SPICE1: variants seen among roughly 807,000 people sequenced by gnomAD.
The protein encoded by SPICE1 is spindle and centriole-associated protein 1.
In SPICE1, 75 loss-of-function variants were observed where a neutral mutation model predicts 102.7. The ratio of observed to expected loss-of-function variants is 0.73; its 90% confidence interval spans 0.61 to 0.88. The LOEUF (loss-of-function observed/expected upper bound fraction) is 0.88. Among genes scored for constraint, SPICE1 ranks in the 40% least tolerant of loss-of-function variants. The probability of loss-of-function intolerance (pLI) is 0.00; values close to 1 mark genes in which losing one functional copy is unlikely to be tolerated. For missense variants in SPICE1, 979 were observed against 1,020.1 expected, an observed-to-expected ratio of 0.96 and a Z score of 0.55; for synonymous variants, 308 against 350.3, an observed-to-expected ratio of 0.88 and a Z score of 1.35.
chr3:113,446,957 T>C (rs561057557), intron 16 of SPICE1, among the ~76,000 whole-genome samples: 12 of 152,210 alleles, frequency 7.9e-5, no homozygotes, highest in African/African-American at 2.9e-4. Context: ...CATGGGGAGG[T>C]AACTGAATCA....
intron 6 of SPICE1, among the ~76,000 whole-genome samples, chr3:113,491,122 C>T (rs1936754117): frequency 6.6e-6 from 1 of 152,174 alleles, no homozygotes; most frequent in African/African-American, 2.4e-5. Flanking sequence ...TCTCTCTAAC[C>T]TCAACTCCTG....
intron 7 of SPICE1, among the ~76,000 whole-genome samples, chr3:113,484,272 T>A (rs1936590865): frequency 1.3e-5 from 2 of 152,162 alleles, no homozygotes; most frequent in South Asian, 4.1e-4. Context: ...TTCTTCTCTC[T>A]TTTTTTCTTT....
intron 9 of SPICE1, 53 bp from the exon 10 acceptor site, chr3:113,468,457 A>C: frequency 6.4e-7 from 1 of 1,557,372 alleles, no homozygotes; most frequent in Non-Finnish European, 8.7e-7. Context: ...TTATGACTAG[A>C]AAACTACTAG....
chr3:113,486,205 A>G (rs1936643631), intron 7 of SPICE1, among the ~76,000 whole-genome samples: 1 of 126,236 alleles, frequency 7.9e-6, no homozygotes, highest in Admixed American at 7.2e-5. Flanking sequence ...TTATTTGACC[A>G]TTCTCATATA....
Position 113,468,860 on chromosome 3 carries a change from G to A in SPICE1, c.791C>T (p.Thr264Ile). The part of the protein sequence containing the change: ...NATNAVKRLQ[T>I]RLQPEESTET... ...AGTAGATTCTTCAGGCTGAAGCCTG[G>A]TTTGGAGTCTCTTGACAGCATTGGT... is the stretch of plus-strand genomic sequence containing the variant. Residue 264 changes from threonine to isoleucine, a missense_variant, in exon 9 of 18, where the codon ACC (threonine) becomes ATC (isoleucine). Thr to Ile is a moderately conservative substitution (Grantham distance 89, BLOSUM62 -1). Coordinates refer to ENST00000295872, the MANE Select transcript of SPICE1 (RefSeq NM_144718.4). The A allele has an allele frequency of 6.2e-7, 1 of 1,614,146 alleles. No homozygotes were observed. Among genetic ancestry groups the A allele is most frequent in the Non-Finnish European group, 8.5e-7 (1 of 1,180,010 alleles).
intron 7 of SPICE1, among the ~76,000 whole-genome samples, chr3:113,476,885 C>A (rs1302615652): frequency 2.0e-5 from 3 of 152,174 alleles, no homozygotes; most frequent in East Asian, 3.9e-4. Flanking sequence ...GCAAGGACTT[C>A]ATGTCTAAAA....
rs111642350 is a variant in SPICE1 at position 113,459,797 on chromosome 3, G to A, written c.1435+820C>T. 2.0e-3 allele frequency: 1,692 copies of A among 858,950 alleles called. 26 individuals are homozygous for A. In the African/African-American group the frequency reaches 0.028, roughly 14 times the overall value. 53.2% of individuals were successfully genotyped at this position (858,950 alleles called of 1,614,324 possible). A position where few individuals can be genotyped will look rare whatever the true frequency, so the allele number is the denominator to read the frequency against. On this transcript the variant is annotated intron_variant, in intron 12 of 17. Coordinates refer to ENST00000295872, the MANE Select transcript of SPICE1 (RefSeq NM_144718.4). ...CTCAGTAGGCTGAGGCAGGAGAATC[G>A]CTTGAAACTGGAAGGCGGAGGTTGC...
intron 4 of SPICE1, among the ~76,000 whole-genome samples, chr3:113,497,145 G>C (rs1303936959): frequency 6.6e-6 from 1 of 152,204 alleles, no homozygotes; most frequent in African/African-American, 2.4e-5. Context: ...ACATGTAATA[G>C]GAGTAGCATG....
At position 113,457,332 on chromosome 3, in the gene SPICE1, G is replaced by A. The variant is rs56215304; in HGVS notation, c.1461C>T (p.Val487=). The change falls in exon 13 of 18, where the codon GTC becomes GTT. Residue 487 remains valine, a synonymous_variant. Transcript: ENST00000295872. ...CCTCTCTGAACATCAATGGCACTGA[G>A]ACATTGGCATTTACAACTGGACGCT... is the stretch of plus-strand genomic sequence containing the variant. The part of the protein sequence containing the change: ...SPERPVVNAN[V]SVPLMFREEV... 3.1e-6 allele frequency: 5 copies of A among 1,614,228 alleles called. No individual in the cohort carries two copies. The highest frequency in any genetic ancestry group is 4.2e-6 in the Non-Finnish European group (5 of 1,180,048).
At chr3:113,466,998 G>A (rs1051409578) in intron 10 of SPICE1, among the ~76,000 whole-genome samples, 6 of 151,844 alleles carry the variant, frequency 4.0e-5, no homozygotes, top group African/African-American at 1.5e-4. Context: ...GCAGTGAGCC[G>A]AGATCATGCC....
At chr3:113,464,840 C>G (rs1936015357) in intron 11 of SPICE1, among the ~76,000 whole-genome samples, 1 of 152,200 alleles carries the variant, frequency 6.6e-6, no homozygotes, top group Admixed American at 6.5e-5. Flanking sequence ...GGTGCAGTGG[C>G]TCATGCCTGT....
chr3:113,468,834 CAGT>C lies in SPICE1; in HGVS notation c.814_816del (p.Thr272del). 7 of 1,614,168 alleles carry C rather than the reference CAGT, an allele frequency of 4.3e-6. No homozygotes were observed. Among genetic ancestry groups the C allele is most frequent in the Non-Finnish European group, 5.9e-6 (7 of 1,180,022 alleles). Reference sequence around the variant, plus strand: ...ACAACGTAGCTTGAGTCTAGAGTCTCAGTAGATTCTTCAGGCTGAAGCCTGGTT... The same window carrying C: ...ACAACGTAGCTTGAGTCTAGAGTCTCAGATTCTTCAGGCTGAAGCCTGGTT... On this transcript the variant is annotated inframe_deletion, in exon 9 of 18. Coordinates refer to ENST00000295872, the MANE Select transcript of SPICE1 (RefSeq NM_144718.4).
intron 3 of SPICE1, among the ~76,000 whole-genome samples, chr3:113,500,234 A>T (rs1936983661): frequency 6.6e-6 from 1 of 152,212 alleles, no homozygotes; most frequent in Non-Finnish European, 1.5e-5. Flanking sequence ...GGTGGCTAAG[A>T]AATAAAATTA....
chr3:113,470,663 A>T (rs1224184696), intron 7 of SPICE1, among the ~76,000 whole-genome samples: 1 of 152,240 alleles, frequency 6.6e-6, no homozygotes. Context: ...TTTAGCTCCC[A>T]GAAGTAAGTG....
At chr3:113,510,295 A>T (rs141041798) in intron 1 of SPICE1, among the ~76,000 whole-genome samples, 1,561 of 152,362 alleles carry the variant, frequency 0.01, 31 homozygotes, top group African/African-American at 0.035. Flanking sequence ...TGGAACCAAA[A>T]AAGAGCCCAT....
intron 6 of SPICE1, among the ~76,000 whole-genome samples, chr3:113,492,141 C>T (rs988350357): frequency 6.6e-6 from 1 of 152,182 alleles, no homozygotes; most frequent in African/African-American, 2.4e-5. Context: ...GCTAACTTCT[C>T]ATTAAGTGCC....
At chr3:113,485,790 A>G (rs1273556269) in intron 7 of SPICE1, among the ~76,000 whole-genome samples, 3 of 152,210 alleles carry the variant, frequency 2.0e-5, no homozygotes, top group Non-Finnish European at 4.4e-5. Flanking sequence ...TAATTTAATA[A>G]TAAAACATGG....
intron 2 of SPICE1, among the ~76,000 whole-genome samples, chr3:113,504,934 C>A (rs1184811330): frequency 6.6e-6 from 1 of 152,156 alleles, no homozygotes; most frequent in African/African-American, 2.4e-5. Context: ...AAAGATTTTT[C>A]CAGCACTGCA....
At chr3:113,481,435 C>CTT (rs1936500366) in intron 7 of SPICE1, among the ~76,000 whole-genome samples, 1 of 147,852 alleles carries the variant, frequency 6.8e-6, no homozygotes, top group Non-Finnish European at 1.5e-5. Context: ...TATTATTATA[C>CTT]TTTAAGTTCT....
Sources: allele counts gnomAD v4.1 joint callset (sites outside exome capture counted in the v4.1 genomes callset), GRCh38; gene constraint gnomAD v4.1.1; transcripts MANE v1.5; gene names NCBI Gene and HGNC (gene_info 2026-07-23, HGNC 2026-07-21).